The following KIAA1549L variants were observed in gnomAD, a reference collection of about 807,000 sequenced individuals.
KIAA1549L encodes the protein UPF0606 protein KIAA1549L.
In KIAA1549L, 88 loss-of-function variants were observed where a neutral mutation model predicts 160.7. The observed-to-expected ratio is 0.55, with a 90% CI of 0.46 to 0.65. The LOEUF (loss-of-function observed/expected upper bound fraction) is 0.65. Ranked by LOEUF, KIAA1549L falls within the 30% of genes least tolerant of loss-of-function variation. The pLI is 0.00. For missense variants in KIAA1549L, 2,258 were observed against 2,437.5 expected (o/e 0.93, Z 1.55); for synonymous variants, 950 against 976.7 (o/e 0.97, Z 0.51).
chr11:33,568,455 G>A (rs1855131589), intron 9 of KIAA1549L, among the ~76,000 whole-genome samples: 1 of 152,106 alleles, frequency 6.6e-6, no homozygotes, highest in East Asian at 1.9e-4. Context: ...CACTAACTAG[G>A]TTATAACACA....
chr11:33,646,177 T>C, intron 17 of KIAA1549L, 141 bp downstream of exon 17: 2 of 670,836 alleles, frequency 3.0e-6, no homozygotes, highest in Non-Finnish European at 5.1e-6. Flanking sequence ...CATCCCATCA[T>C]CCCATCTTCC....
At chr11:33,391,730 A>G (rs890495734) in intron 1 of KIAA1549L, among the ~76,000 whole-genome samples, 1 of 152,178 alleles carries the variant, frequency 6.6e-6, no homozygotes, top group Non-Finnish European at 1.5e-5. Context: ...TGGGAGATGC[A>G]GGGAGGAAGT....
At chr11:33,477,503 G>A (rs1292805734) in intron 1 of KIAA1549L, among the ~76,000 whole-genome samples, 1 of 142,788 alleles carries the variant, frequency 7.0e-6, no homozygotes, top group African/African-American at 2.8e-5. Context: ...CCACGCAGGT[G>A]CACGCACACA....
intron 20 of KIAA1549L, among the ~76,000 whole-genome samples, chr11:33,661,873 A>G (rs1025164220): frequency 2.5e-5 from 3 of 119,158 alleles, no homozygotes; most frequent in Non-Finnish European, 5.0e-5. Flanking sequence ...GAGCAAGACT[A>G]TGTCTCAAAA....
chr11:33,563,407 G>A (rs1314754334), intron 8 of KIAA1549L, among the ~76,000 whole-genome samples: 1 of 151,336 alleles, frequency 6.6e-6, no homozygotes, highest in African/African-American at 2.4e-5. Context: ...CCTGTAACAG[G>A]GTGGAGGAAA....
At chr11:33,546,432 C>A (rs1341012780) in intron 3 of KIAA1549L, among the ~76,000 whole-genome samples, 2 of 152,166 alleles carry the variant, frequency 1.3e-5, no homozygotes, top group African/African-American at 2.4e-5. Context: ...TCCCAGCCCC[C>A]CCACCAACCC....
intron 17 of KIAA1549L, among the ~76,000 whole-genome samples, chr11:33,647,734 C>T (rs1253353885): frequency 6.6e-6 from 1 of 151,864 alleles, no homozygotes; most frequent in Non-Finnish European, 1.5e-5. Context: ...AGTCTTCCAA[C>T]AGGTAAGAAG....
intron 1 of KIAA1549L, among the ~76,000 whole-genome samples, chr11:33,464,030 C>T (rs1009160593): frequency 6.6e-6 from 1 of 152,144 alleles, no homozygotes; most frequent in East Asian, 1.9e-4. Context: ...TAATTGATAG[C>T]TGACACACAT....
At chr11:33,605,598 C>G (rs1240705881) in intron 13 of KIAA1549L, among the ~76,000 whole-genome samples, 1 of 152,182 alleles carries the variant, frequency 6.6e-6, no homozygotes, top group African/African-American at 2.4e-5. Context: ...TTTGACAAAT[C>G]TTCTGTGATT....
intron 1 of KIAA1549L, among the ~76,000 whole-genome samples, chr11:33,399,939 C>T (rs932547333): frequency 6.6e-6 from 1 of 152,198 alleles, no homozygotes; most frequent in Non-Finnish European, 1.5e-5. Context: ...TGTTGTGAAG[C>T]CAGCCCTTGC....
chr11:33,408,738 C>A (rs1244220840), intron 1 of KIAA1549L, among the ~76,000 whole-genome samples: 1 of 146,842 alleles, frequency 6.8e-6, no homozygotes, highest in East Asian at 2.0e-4. Context: ...GAGTCTGAGA[C>A]CAGCCTGGCC....
At chr11:33,649,916 G>A (rs1174455993) in intron 17 of KIAA1549L, among the ~76,000 whole-genome samples, 4 of 151,432 alleles carry the variant, frequency 2.6e-5, no homozygotes, top group Non-Finnish European at 5.9e-5. Context: ...TACATTTCTT[G>A]TGTTTCTCCA....
chr11:33,488,936 T>C (rs564649826), intron 1 of KIAA1549L, among the ~76,000 whole-genome samples: 53 of 152,348 alleles, frequency 3.5e-4, no homozygotes, highest in African/African-American at 1.2e-3. Context: ...ATTCTCTCTC[T>C]AGATATTTGC....
chr11:33,527,814 G>GA (rs1554985989), intron 1 of KIAA1549L, among the ~76,000 whole-genome samples: 1 of 152,178 alleles, frequency 6.6e-6, no homozygotes, highest in Non-Finnish European at 1.5e-5. Context: ...TACAAGAAAA[G>GA]AAGATGGTAC....
rs1396508018 is a variant in KIAA1549L, at chr11:33,451,541, C to A, written c.238+74652C>A. 4.6e-5 allele frequency among the ~76,000 whole-genome samples: 7 copies of A among 152,304 alleles called. No homozygotes were observed. The East Asian group carries it at 1.3e-3, about 29-fold the overall frequency. On this transcript the variant is annotated intron_variant, in intron 1 of 20. Coordinates refer to ENST00000658780, the MANE Select transcript of KIAA1549L (RefSeq NM_012194.3). ...ACACTGGGGCAAATTTATCATCCTG[C>A]GTAAATGTCATTAAATTTTACTCAC...
In KIAA1549L at chr11:33,670,818, CA is replaced by C. The variant is rs1396993222; in HGVS notation, c.*2668del. The C allele has an allele frequency of 4.6e-5, 7 of 152,270 alleles. No homozygotes were observed. The highest frequency in any genetic ancestry group is 1.3e-4 in the Admixed American group (2 of 15,282). 9.4% of individuals were successfully genotyped at this position (152,270 alleles called of 1,614,324 possible). On this transcript the variant is annotated 3_prime_UTR_variant, in exon 21 of 21. Coordinates refer to ENST00000658780, the MANE Select transcript of KIAA1549L (RefSeq NM_012194.3). ...ACCCTCTAGATAGTCACAGAAGCCACAAAAGGACCTTGGTTGACCTTGGAGG... is the reference window on the plus strand; with the variant it reads ...ACCCTCTAGATAGTCACAGAAGCCACAAAGGACCTTGGTTGACCTTGGAGG...
intron 1 of KIAA1549L, among the ~76,000 whole-genome samples, chr11:33,528,415 T>C (rs1363920720): frequency 6.6e-6 from 1 of 152,260 alleles, no homozygotes; most frequent in African/African-American, 2.4e-5. Flanking sequence ...GAAAACAGTA[T>C]GGAGATTCCT....
intron 1 of KIAA1549L, among the ~76,000 whole-genome samples, chr11:33,426,004 G>A (rs917227233): frequency 6.6e-6 from 1 of 152,178 alleles, no homozygotes; most frequent in African/African-American, 2.4e-5. Context: ...AAAGACTGAG[G>A]AACTGTCACA....
chr11:33,637,068 A>G lies in KIAA1549L; in HGVS notation c.5410-8618A>G, dbSNP rs193010332. Among the ~76,000 whole-genome samples, 38 of 152,328 alleles carry G rather than the reference A, an allele frequency of 2.5e-4. 2 individuals carry two copies. Among genetic ancestry groups the G allele is most frequent in the Admixed American group, 2.5e-3 (38 of 15,300 alleles). ...CCCAGGGGAAGAGCTTTCCAGGCAGAAAATTCAGCAAGTGGAAGGGCCCAG... is the reference window on the plus strand; with the variant it reads ...CCCAGGGGAAGAGCTTTCCAGGCAGGAAATTCAGCAAGTGGAAGGGCCCAG... On this transcript the variant is annotated intron_variant, in intron 16 of 20. Transcript: ENST00000658780.
Sources: allele counts gnomAD v4.1 joint callset (sites outside exome capture counted in the v4.1 genomes callset), GRCh38; gene constraint gnomAD v4.1.1; transcripts MANE v1.5; gene names NCBI Gene and HGNC (gene_info 2026-07-23, HGNC 2026-07-21).